GPD2: variants seen among roughly 807,000 people sequenced by gnomAD.
The protein encoded by GPD2 is glycerol-3-phosphate dehydrogenase, mitochondrial.
A neutral mutation model predicts 82.4 loss-of-function variants in GPD2; 54 were observed. The observed-to-expected ratio is 0.66, with a 90% CI of 0.53 to 0.82. The LOEUF (loss-of-function observed/expected upper bound fraction) is 0.82, where lower values mean the gene tolerates loss of function less well. GPD2 is among the 40% of genes least tolerant of loss of function. The pLI, the probability that GPD2 is intolerant of heterozygous loss-of-function variation, is 0.00. For missense variants in GPD2, 748 were observed against 896.2 expected (o/e 0.83, Z 2.11); for synonymous variants, 288 against 306.1 (o/e 0.94, Z 0.62).
chr2:156,439,788 A>C (rs1471031673), intron 1 of GPD2, among the ~76,000 whole-genome samples: 1 of 151,872 alleles, frequency 6.6e-6, no homozygotes. Flanking sequence ...CAGAGGTTGC[A>C]GTGAGTCAAG....
chr2:156,581,593 C>A (rs1474268019), intron 16 of GPD2, among the ~76,000 whole-genome samples: 1 of 152,008 alleles, frequency 6.6e-6, no homozygotes, highest in African/African-American at 2.4e-5. Context: ...ATATTTTGCT[C>A]TTCTGCAGAC....
rs1363079285 is a variant in GPD2 at position 156,444,868 on chromosome 2, A to G, written c.-9+8355A>G. 1.7e-4 allele frequency among the ~76,000 whole-genome samples: 26 copies of G among 152,072 alleles called. 1 individual carries two copies. The highest frequency in any genetic ancestry group is 1.6e-3 in the Admixed American group (24 of 15,274). ...CTACGTCACGCGATTCTTCTCCTCA[A>G]CCTCCTGAGTAGCTAGAATGACAGG... On this transcript the variant is annotated intron_variant, in intron 1 of 16. Coordinates refer to ENST00000438166, the MANE Select transcript of GPD2 (RefSeq NM_000408.5).
At chr2:156,402,508 G>A in the GPD2 span, among the ~76,000 whole-genome samples, 1 of 152,134 alleles carries the variant, frequency 6.6e-6, no homozygotes, top group Non-Finnish European at 1.5e-5. Context: ...TCTTTAAAAT[G>A]AAAGAAATGG....
the GPD2 span, among the ~76,000 whole-genome samples, chr2:156,421,938 C>T: frequency 6.6e-6 from 1 of 152,120 alleles, no homozygotes; most frequent in East Asian, 1.9e-4. Flanking sequence ...CCAGCCTGGG[C>T]AACATAGTGA....
intron 13 of GPD2, among the ~76,000 whole-genome samples, chr2:156,577,856 C>T (rs1397062847): frequency 6.6e-6 from 1 of 152,148 alleles, no homozygotes; most frequent in Non-Finnish European, 1.5e-5. Context: ...CTGAGATGTG[C>T]CCTTCTTATG....
intron 2 of GPD2, among the ~76,000 whole-genome samples, chr2:156,480,944 A>G (rs1413992029): frequency 6.6e-6 from 1 of 151,474 alleles, no homozygotes; most frequent in African/African-American, 2.4e-5. Context: ...TAAGAAGATC[A>G]TTCCTCCTAA....
At chr2:156,560,152 G>A (rs1190640296) in intron 9 of GPD2, among the ~76,000 whole-genome samples, 1 of 152,168 alleles carries the variant, frequency 6.6e-6, no homozygotes, top group Non-Finnish European at 1.5e-5. Context: ...CTAAGAAGCT[G>A]GATGTGCTGG....
chr2:156,462,993 A>G (rs1683041966), intron 1 of GPD2, among the ~76,000 whole-genome samples: 1 of 152,182 alleles, frequency 6.6e-6, no homozygotes, highest in Non-Finnish European at 1.5e-5. Flanking sequence ...GCTCAAAGAT[A>G]AACAGGGAAG....
At chr2:156,418,718 C>G in the GPD2 span, among the ~76,000 whole-genome samples, 1 of 151,886 alleles carries the variant, frequency 6.6e-6, no homozygotes, top group Admixed American at 6.6e-5. Context: ...ACCGTGATTC[C>G]AAAGCTTTCA....
chr2:156,469,220 C>T (rs902643649), intron 1 of GPD2, among the ~76,000 whole-genome samples: 4 of 152,084 alleles, frequency 2.6e-5, no homozygotes, highest in African/African-American at 9.7e-5. Context: ...AGTGCAGTGG[C>T]GTGATCTCAG....
At chr2:156,452,174 TC>T (rs1682628089) in intron 1 of GPD2, among the ~76,000 whole-genome samples, 1 of 152,228 alleles carries the variant, frequency 6.6e-6, no homozygotes, top group South Asian at 2.1e-4. Flanking sequence ...GAGGCTGCAC[TC>T]CTGGCACTTT....
intron 6 of GPD2, among the ~76,000 whole-genome samples, chr2:156,531,083 G>A (rs1260186552): frequency 6.6e-6 from 1 of 152,130 alleles, no homozygotes; most frequent in African/African-American, 2.4e-5. Context: ...TTAAAGTGAT[G>A]TAAATATCTA....
chr2:156,550,453 C>T, intron 7 of GPD2, 149 bp from the exon 8 acceptor site: 2 of 784,366 alleles, frequency 2.5e-6, no homozygotes, highest in Non-Finnish European at 4.4e-6. Flanking sequence ...TTTTGTTTGG[C>T]TCTTCAATAA....
chr2:156,473,615 T>C (rs1683405244), intron 1 of GPD2: 1 of 152,192 alleles, frequency 6.6e-6, no homozygotes, highest in South Asian at 2.1e-4. Context: ...CTGCTATGAG[T>C]CAGGCATGTG....
chr2:156,420,223 A>C, the GPD2 span, among the ~76,000 whole-genome samples: 1 of 152,118 alleles, frequency 6.6e-6, no homozygotes, highest in East Asian at 1.9e-4. Context: ...ACTCTGTGGA[A>C]TGCAGTGGCG....
In GPD2 at chr2:156,569,223, T is replaced by A. The variant is rs140322659; in HGVS notation, c.1301-140T>A. The stretch of plus-strand genomic sequence containing the variant: ...AACTTTATTGAACAAGCATTTTTTT[T>A]ATTCTGAATTAAGTTTTACACAATC... On this transcript the variant is annotated intron_variant, in intron 10 of 16. Coordinates refer to ENST00000438166, the MANE Select transcript of GPD2 (RefSeq NM_000408.5). 0.023 allele frequency: 15,993 copies of A among 702,204 alleles called. 2,222 individuals are homozygous for A. The Admixed American group carries it at 0.28, about 12-fold the overall frequency. The allele number at this position is 702,204 out of a possible 1,614,324, so 43.5% of individuals were successfully genotyped here.
intron 1 of GPD2, among the ~76,000 whole-genome samples, chr2:156,437,604 A>G (rs555389037): frequency 2.0e-5 from 3 of 152,340 alleles, no homozygotes; most frequent in Non-Finnish European, 4.4e-5. Context: ...TCGTGAAATA[A>G]TACAGCAATA....
upstream of GPD2, chr2:156,435,850 C>G (rs1017162480): frequency 6.6e-6 from 1 of 152,490 alleles, no homozygotes; most frequent in African/African-American, 2.4e-5. Context: ...GTCTCCTCTC[C>G]CGCAGGCAGA....
intron 1 of GPD2, among the ~76,000 whole-genome samples, chr2:156,449,938 G>A (rs1412086004): frequency 6.6e-6 from 1 of 152,064 alleles, no homozygotes; most frequent in Non-Finnish European, 1.5e-5. Context: ...TTGAACCTGG[G>A]AGGTGGAGGT....
Sources: allele counts gnomAD v4.1 joint callset (sites outside exome capture counted in the v4.1 genomes callset), GRCh38; gene constraint gnomAD v4.1.1; transcripts MANE v1.5; gene names NCBI Gene and HGNC (gene_info 2026-07-23, HGNC 2026-07-21).